CSMD1: variants seen among roughly 807,000 people sequenced by gnomAD.
The protein encoded by CSMD1 is CUB and sushi domain-containing protein 1.
In CSMD1, 213 loss-of-function variants were observed where a neutral mutation model predicts 417.5. The observed-to-expected ratio is 0.51, with a 90% CI of 0.46 to 0.57. CSMD1 has a LOEUF of 0.57. Among genes scored for constraint, CSMD1 ranks in the 20% least tolerant of loss-of-function variants. The pLI is 0.00. For missense variants in CSMD1, 6,923 were observed against 4,529.7 expected, an observed-to-expected ratio of 1.53 and a Z score of -15.17; for synonymous variants, 2,862 against 1,736.8, an observed-to-expected ratio of 1.65 and a Z score of -16.11.
chr8:4,313,828 A>G (rs1024149357), intron 3 of CSMD1, among the ~76,000 whole-genome samples: 8 of 152,134 alleles, frequency 5.3e-5, no homozygotes, highest in East Asian at 3.9e-4. Flanking sequence ...AGCCTGACCA[A>G]TATGGTGAAA....
intron 3 of CSMD1, among the ~76,000 whole-genome samples, chr8:4,217,526 T>A (rs1800756424): frequency 6.6e-6 from 1 of 152,014 alleles, no homozygotes; most frequent in Admixed American, 6.6e-5. Context: ...GAGAAGGTGG[T>A]GGTGGAAGTG....
chr8:4,308,455 G>T (rs941707633), intron 3 of CSMD1, among the ~76,000 whole-genome samples: 7 of 152,108 alleles, frequency 4.6e-5, no homozygotes, highest in African/African-American at 1.7e-4. Flanking sequence ...GTTTAGAAAA[G>T]GATGTGATCT....
chr8:4,591,481 T>C (rs968867369), intron 2 of CSMD1, among the ~76,000 whole-genome samples: 1 of 152,192 alleles, frequency 6.6e-6, no homozygotes, highest in Non-Finnish European at 1.5e-5. Flanking sequence ...TATCGAGCTG[T>C]AAACCTGCAT....
chr8:3,544,767 C>T (rs10503207), intron 10 of CSMD1, among the ~76,000 whole-genome samples: 64,367 of 151,632 alleles, frequency 0.42, 13,856 homozygotes, highest in East Asian at 0.52. Flanking sequence ...GGAGCCAAAT[C>T]TTAGAAATGT....
At chr8:4,422,293 T>A (rs62481000) in intron 2 of CSMD1, among the ~76,000 whole-genome samples, 1 of 151,932 alleles carries the variant, frequency 6.6e-6, no homozygotes, top group African/African-American at 2.4e-5. Context: ...TTTTGTGGCA[T>A]TGACACTACC....
intron 7 of CSMD1, among the ~76,000 whole-genome samples, chr8:3,617,157 G>C (rs1160765128): frequency 6.6e-6 from 1 of 151,892 alleles, no homozygotes; most frequent in Non-Finnish European, 1.5e-5. Context: ...TTAGAGAGAA[G>C]AAAGTCTTCA....
intron 1 of CSMD1, among the ~76,000 whole-genome samples, chr8:4,711,649 A>G (rs1808305973): frequency 7.9e-6 from 1 of 126,588 alleles, no homozygotes; most frequent in Admixed American, 8.9e-5. Flanking sequence ...AGCCAGGAAT[A>G]CTTCTTTACT....
chr8:4,768,031 C>T lies in CSMD1; in HGVS notation c.86-130473G>A, dbSNP rs559679251. Among the ~76,000 whole-genome samples, 196 of 152,256 alleles carry T rather than the reference C, an allele frequency of 1.3e-3. 1 individual carries two copies. Among genetic ancestry groups the T allele is most frequent in the Middle Eastern group, 6.8e-3 (2 of 294 alleles). On this transcript the variant is annotated intron_variant, in intron 1 of 69. Transcript: ENST00000635120. ...CACATTTACGTTCAACAGACACATG[C>T]GTTGAGTTAGTCTTCTTTTTAATGT...
chr8:3,279,841 G>C (rs1488057491), intron 26 of CSMD1, among the ~76,000 whole-genome samples: 2 of 152,084 alleles, frequency 1.3e-5, no homozygotes, highest in African/African-American at 2.4e-5. Flanking sequence ...TTATTGTCAT[G>C]AGAACAGCAT....
chr8:4,341,024 T>C (rs1800447938), intron 3 of CSMD1, among the ~76,000 whole-genome samples: 1 of 152,096 alleles, frequency 6.6e-6, no homozygotes, highest in African/African-American at 2.4e-5. Context: ...GAAAATTACA[T>C]ATTCAACTTT....
chr8:3,959,403 GT>G (rs1160815150), intron 5 of CSMD1, among the ~76,000 whole-genome samples: 1 of 152,198 alleles, frequency 6.6e-6, no homozygotes, highest in Non-Finnish European at 1.5e-5. Flanking sequence ...AGAGGCTGAA[GT>G]GGGAAGATCA....
chr8:4,971,605 G>A (rs564786169), intron 1 of CSMD1, among the ~76,000 whole-genome samples: 1 of 151,722 alleles, frequency 6.6e-6, no homozygotes, highest in East Asian at 1.9e-4. Flanking sequence ...CAAAGACTAT[G>A]ATTTCTAATT....
chr8:3,680,269 A>T (rs913835431), intron 7 of CSMD1, among the ~76,000 whole-genome samples: 94 of 152,296 alleles, frequency 6.2e-4, no homozygotes, highest in Middle Eastern at 3.4e-3. Flanking sequence ...GAAAAGATCA[A>T]CAAAATTGAT....
chr8:4,723,525 A>G (rs1460184759), intron 1 of CSMD1, among the ~76,000 whole-genome samples: 1 of 152,178 alleles, frequency 6.6e-6, no homozygotes, highest in Non-Finnish European at 1.5e-5. Context: ...ATCTGTGTAT[A>G]CCTGTGCATA....
At chr8:3,934,315 A>T (rs1810342793) in intron 5 of CSMD1, among the ~76,000 whole-genome samples, 1 of 152,174 alleles carries the variant, frequency 6.6e-6, no homozygotes, top group South Asian at 2.1e-4. Context: ...TATAAATGAA[A>T]ATTTCAAAAA....
chr8:3,853,253 G>A (rs56373952), intron 5 of CSMD1, among the ~76,000 whole-genome samples: 6 of 152,148 alleles, frequency 3.9e-5, no homozygotes, highest in South Asian at 4.1e-4. Flanking sequence ...CATTCCTGAG[G>A]CTCAGGAGAA....
intron 5 of CSMD1, among the ~76,000 whole-genome samples, chr8:3,890,067 G>A (rs1368297635): frequency 6.6e-6 from 1 of 151,962 alleles, no homozygotes; most frequent in Non-Finnish European, 1.5e-5. Flanking sequence ...ATTTATCATT[G>A]CATTTGTGTG....
intron 7 of CSMD1, among the ~76,000 whole-genome samples, chr8:3,698,308 G>C (rs116160852): frequency 0.013 from 2,053 of 152,250 alleles, 44 homozygotes; most frequent in African/African-American, 0.047. Context: ...GTTTTATATG[G>C]AGATGGGTCT....
chr8:4,306,182 GT>G (rs1243685701), intron 3 of CSMD1, among the ~76,000 whole-genome samples: 1 of 152,176 alleles, frequency 6.6e-6, no homozygotes, highest in Non-Finnish European at 1.5e-5. Context: ...CGCTGAAGTT[GT>G]CTGCATTAAA....
Sources: gnomAD v4.1 joint callset for allele counts (sites outside exome capture counted in the v4.1 genomes callset) on GRCh38, gnomAD v4.1.1 for gene constraint, MANE v1.5 for transcripts, NCBI Gene and HGNC (gene_info 2026-07-23, HGNC 2026-07-21) for gene names.